The following RAD50 variants were observed in gnomAD, a reference collection of about 807,000 sequenced individuals.
RAD50 encodes DNA repair protein RAD50.
In RAD50, 132 loss-of-function variants were observed where a neutral mutation model predicts 168.8. The ratio of observed to expected loss-of-function variants is 0.78; its 90% CI spans 0.68 to 0.90. RAD50 has a LOEUF of 0.90. Ranked by LOEUF, RAD50 falls within the 40% of genes least tolerant of loss-of-function variation. RAD50 has a pLI of 0.00. For missense variants in RAD50, 1,347 were observed against 1,534.4 expected, an observed-to-expected ratio of 0.88 and a Z score of 2.04; for synonymous variants, 525 against 497.4, an observed-to-expected ratio of 1.06 and a Z score of -0.74.
Position 132,626,461 on chromosome 5 carries a change from A to G in RAD50, c.3389+8167A>G, listed in dbSNP as rs113451305. 2.1e-3 allele frequency among the ~76,000 whole-genome samples: 323 copies of G among 152,272 alleles called. 3 individuals carry two copies. Among genetic ancestry groups the G allele is most frequent in the African/African-American group, 6.9e-3 (285 of 41,548 alleles). ...ACTCTGAGTTTCCGTTTCCTCATCT[A>G]TAAAATAGAATTTTTAAAAATCTAT... On this transcript the variant is annotated intron_variant, in intron 21 of 24. Coordinates refer to ENST00000378823, the MANE Select transcript of RAD50 (RefSeq NM_005732.4).
At position 132,558,006 on chromosome 5, in the gene RAD50, CT is replaced by C. The variant is rs80037304; in HGVS notation, c.129+567del. 5.8e-3 allele frequency among the ~76,000 whole-genome samples: 828 copies of C among 142,198 alleles called. 1 individual carries two copies. Among genetic ancestry groups the C allele is most frequent in the Admixed American group, 5.6e-3 (79 of 14,228 alleles). The allele number at this position is 142,198 out of a possible 152,430, so 93.3% of individuals were successfully genotyped here. ...AAATTTAACGTTGGTGCACGACTGA[CT>C]TTTTTTTTTTTTTAAAGCCGTGGGA... On this transcript the variant is annotated intron_variant, in intron 1 of 24. Transcript: ENST00000378823.
At chr5:132,636,239 T>G (rs1751579526) in intron 21 of RAD50, among the ~76,000 whole-genome samples, 1 of 152,222 alleles carries the variant, frequency 6.6e-6, no homozygotes, top group African/African-American at 2.4e-5. Context: ...GGCTTTTTGA[T>G]GAAAGGTGAC....
intron 17 of RAD50, 86 bp downstream of exon 17, chr5:132,608,811 A>G (rs1751032364): frequency 4.7e-6 from 7 of 1,487,504 alleles, no homozygotes; most frequent in Non-Finnish European, 6.3e-6. Context: ...ATTTCACATG[A>G]AATTAAATAG....
chr5:132,640,827 T>C, intron 24 of RAD50, 22 bp downstream of exon 24: 1 of 1,613,502 alleles, frequency 6.2e-7, no homozygotes, highest in Non-Finnish European at 8.5e-7. Flanking sequence ...TTGCACATGC[T>C]CTGGTTGAGT....
intron 10 of RAD50, 70 bp downstream of exon 10, chr5:132,591,476 C>T: frequency 7.0e-7 from 1 of 1,430,570 alleles, no homozygotes; most frequent in South Asian, 1.2e-5. Context: ...ACTCATAAGT[C>T]ATAGACTATA....
intron 21 of RAD50, among the ~76,000 whole-genome samples, chr5:132,619,899 GAGAGAT>G (rs1751256665): frequency 2.8e-4 from 36 of 126,944 alleles, no homozygotes; most frequent in South Asian, 4.6e-4. Flanking sequence ...GAGAGAGAGA[GAGAGAT>G]ATATCTTTTT....
chr5:132,579,212 CTTTTT>C, intron 3 of RAD50, 100 bp from the exon 4 acceptor site: 1 of 1,223,938 alleles, frequency 8.2e-7, no homozygotes, highest in South Asian at 1.4e-5. Flanking sequence ...GGTGAAGGGC[CTTTTT>C]TTTTATTCTT....
chr5:132,585,591 CTT>C (rs1207946233), intron 5 of RAD50, among the ~76,000 whole-genome samples: 11,309 of 113,276 alleles, frequency 0.1, 1,227 homozygotes, highest in African/African-American at 0.33. Flanking sequence ...TGTGAGAGTT[CTT>C]TTTTTTTTTT....
intron 13 of RAD50, among the ~76,000 whole-genome samples, chr5:132,602,797 G>T (rs564392971): frequency 2.0e-5 from 3 of 152,058 alleles, no homozygotes; most frequent in Non-Finnish European, 4.4e-5. Flanking sequence ...AGGGTTCCAT[G>T]CAGGATCCCA....
At chr5:132,614,964 G>A (rs1338114798) in intron 19 of RAD50, among the ~76,000 whole-genome samples, 1 of 152,072 alleles carries the variant, frequency 6.6e-6, no homozygotes, top group Non-Finnish European at 1.5e-5. Context: ...GCAAGATATT[G>A]CCACAGGTCT....
intron 15 of RAD50, 29 bp downstream of exon 15, chr5:132,604,075 A>T: frequency 6.2e-7 from 1 of 1,611,536 alleles, no homozygotes; most frequent in East Asian, 2.2e-5. Flanking sequence ...TTCTGTACTC[A>T]TAGAGACTTT....
At position 132,642,094 on chromosome 5, in the gene RAD50, T is replaced by C. The variant is rs138621436; in HGVS notation, c.3753-84T>C. 1.8e-4 allele frequency: 256 copies of C among 1,410,752 alleles called. No individual in the cohort carries two copies. The African/African-American group carries it at 3.1e-3, about 17-fold the overall frequency. 87.4% of individuals were successfully genotyped at this position (1,410,752 alleles called of 1,614,324 possible). A position where few individuals can be genotyped will look rare whatever the true frequency, so the allele number is the denominator to read the frequency against. Reference sequence around the variant, plus strand: ...CTGACACACAGCACAAGTTCATGTGTCTGACAAGGTTTGCGGTGACTTTTC... The same window carrying C: ...CTGACACACAGCACAAGTTCATGTGCCTGACAAGGTTTGCGGTGACTTTTC... On this transcript the variant is annotated intron_variant, in intron 24 of 24. Transcript: ENST00000378823.
At chr5:132,606,044 A>G (rs1238058392) in intron 16 of RAD50, among the ~76,000 whole-genome samples, 2 of 152,214 alleles carry the variant, frequency 1.3e-5, no homozygotes, top group Non-Finnish European at 2.9e-5. Context: ...ACTGAATTCA[A>G]CACCTTAACA....
intron 1 of RAD50, among the ~76,000 whole-genome samples, chr5:132,558,718 CAAAAAAAA>C (rs35515008): frequency 1.3e-5 from 1 of 75,802 alleles, no homozygotes; most frequent in Non-Finnish European, 2.5e-5. Flanking sequence ...TCTCCCCCCA[CAAAAAAAA>C]AAAAAAAAAA....
chr5:132,581,358 G>A (rs1750501875), intron 5 of RAD50, among the ~76,000 whole-genome samples: 1 of 152,128 alleles, frequency 6.6e-6, no homozygotes, highest in Non-Finnish European at 1.5e-5. Flanking sequence ...GACCTCAAGT[G>A]ATCTGCCCGC....
chr5:132,557,310 G>A lies in RAD50; in HGVS notation c.-15G>A. On this transcript the variant is annotated 5_prime_UTR_variant, in exon 1 of 25. Coordinates refer to ENST00000378823, the MANE Select transcript of RAD50 (RefSeq NM_005732.4). Reference sequence around the variant, plus strand: ...GGGCTCCAGGTCCCTGGTGAGATTAGAAACGTTTGCAAACATGTCCCGGAT... The same window carrying A: ...GGGCTCCAGGTCCCTGGTGAGATTAAAAACGTTTGCAAACATGTCCCGGAT... 6.2e-7 allele frequency: 1 copy of A among 1,614,124 alleles called. No individual in the cohort carries two copies. The highest frequency in any genetic ancestry group is 1.7e-5 in the Admixed American group (1 of 60,034).
chr5:132,637,086 T>C, intron 21 of RAD50, 29 bp from the exon 22 acceptor site: 1 of 1,565,380 alleles, frequency 6.4e-7, no homozygotes, highest in Admixed American at 1.7e-5. Context: ...TTTTTATATA[T>C]ATGAAGTACC....
At chr5:132,603,162 A>G (rs1236490668) in intron 13 of RAD50, 138 bp from the exon 14 acceptor site, 12 of 785,068 alleles carry the variant, frequency 1.5e-5, no homozygotes, top group Non-Finnish European at 2.4e-5. Flanking sequence ...TATTGATATC[A>G]TGATTCCATA....
rs1751794542 is a variant in RAD50 at position 132,643,845 on chromosome 5, G to A, written c.*1481G>A. 2 of 231,018 alleles carry A rather than the reference G, an allele frequency of 8.7e-6. No individual in the cohort carries two copies. Among genetic ancestry groups the A allele is most frequent in the South Asian group, 3.6e-4 (2 of 5,516 alleles). 14.3% of individuals were successfully genotyped at this position (231,018 alleles called of 1,614,324 possible). ...CCAAGAATGCAAGATTTCAGAAAAT[G>A]AAAAATCTGTTGATAAATCCATCAC... On this transcript the variant is annotated 3_prime_UTR_variant, in exon 25 of 25. Coordinates refer to ENST00000378823, the MANE Select transcript of RAD50 (RefSeq NM_005732.4).
Sources: allele counts gnomAD v4.1 joint callset (sites outside exome capture counted in the v4.1 genomes callset), GRCh38; gene constraint gnomAD v4.1.1; transcripts MANE v1.5; gene names NCBI Gene and HGNC (gene_info 2026-07-23, HGNC 2026-07-21).